CRISPLD2: variants seen among roughly 807,000 people sequenced by gnomAD.
CRISPLD2 encodes cysteine rich secretory protein LCCL domain containing 2.
In CRISPLD2, 47 loss-of-function variants were observed where a neutral mutation model predicts 71.1. That is an observed-to-expected ratio of 0.66 (90% CI 0.52 to 0.84). The LOEUF is 0.84. CRISPLD2 is among the 40% of genes least tolerant of loss of function. The pLI is 0.00. For synonymous variants in CRISPLD2, 317 were observed against 250.1 expected (o/e 1.27, Z -2.52); for missense variants, 830 against 651.1 (o/e 1.27, Z -2.99).
intron 2 of CRISPLD2, among the ~76,000 whole-genome samples, chr16:84,843,834 C>T (rs550495464): frequency 1.3e-5 from 2 of 152,288 alleles, no homozygotes; most frequent in East Asian, 3.9e-4. Context: ...GGTTGTGTGA[C>T]CTCAGGCATG....
chr16:84,862,433 A>G (rs751508414), intron 6 of CRISPLD2, among the ~76,000 whole-genome samples: 3 of 151,992 alleles, frequency 2.0e-5, no homozygotes, highest in African/African-American at 4.8e-5. Flanking sequence ...CTCCCAAGCA[A>G]TCCTCCCTCC....
rs148650496 is a variant in CRISPLD2, at chr16:84,869,944, C to G, written c.914+1033C>G. 1.3e-3 allele frequency among the ~76,000 whole-genome samples: 193 copies of G among 152,304 alleles called. 2 individuals are homozygous for G. The East Asian group carries it at 0.032, about 25-fold the overall frequency. On this transcript the variant is annotated intron_variant, in intron 8 of 14. Transcript: ENST00000262424. ...AGTTCCAGAGTTGGGGTGGGTGGGG[C>G]ACTCCCCATGCAGGGAGAAGGCAAG...
intron 14 of CRISPLD2, among the ~76,000 whole-genome samples, chr16:84,905,344 G>A (rs1252643311): frequency 3.9e-5 from 6 of 152,044 alleles, no homozygotes; most frequent in Admixed American, 2.0e-4. Flanking sequence ...CCATTGAATT[G>A]TACACTTAGA....
Position 84,908,140 on chromosome 16 carries a change from T to C in CRISPLD2, c.*1498T>C, listed in dbSNP as rs2071821381. The C allele has an allele frequency of 6.6e-6, 1 of 152,244 alleles. No homozygotes were observed. Among genetic ancestry groups the C allele is most frequent in the Non-Finnish European group, 1.5e-5 (1 of 68,036 alleles). 9.4% of individuals were successfully genotyped at this position (152,244 alleles called of 1,614,324 possible). A position where few individuals can be genotyped will look rare whatever the true frequency, so the allele number is the denominator to read the frequency against. On this transcript the variant is annotated 3_prime_UTR_variant, in exon 15 of 15. Transcript: ENST00000262424. The stretch of plus-strand genomic sequence containing the variant: ...CCTGGGCACCTAGGTGATGCCTTCT[T>C]TCTTTGATTGCCTTTCTAATAAATG...
intron 1 of CRISPLD2, among the ~76,000 whole-genome samples, chr16:84,834,150 G>A (rs1051153582): frequency 2.0e-5 from 3 of 152,182 alleles, no homozygotes; most frequent in Non-Finnish European, 4.4e-5. Context: ...GAGTGGGAGT[G>A]ATGGAGCCCA....
chr16:84,883,631 G>A (rs1371367064), intron 13 of CRISPLD2, among the ~76,000 whole-genome samples: 7 of 152,172 alleles, frequency 4.6e-5, no homozygotes, highest in African/African-American at 1.4e-4. Flanking sequence ...GGGCTGGGTG[G>A]ATCCAGAGAA....
chr16:84,869,710 C>T (rs767460587), intron 8 of CRISPLD2, among the ~76,000 whole-genome samples: 1 of 152,224 alleles, frequency 6.6e-6, no homozygotes, highest in African/African-American at 2.4e-5. Flanking sequence ...CTGTGCTGGG[C>T]GAATTGGGAA....
chr16:84,849,909 T>C (rs1391631086), intron 4 of CRISPLD2, among the ~76,000 whole-genome samples: 1 of 130,126 alleles, frequency 7.7e-6, no homozygotes, highest in Non-Finnish European at 1.7e-5. Flanking sequence ...TTTTTTTTTT[T>C]AGAGATGGGT....
chr16:84,859,272 C>G (rs1173766772), intron 6 of CRISPLD2, among the ~76,000 whole-genome samples: 2 of 152,144 alleles, frequency 1.3e-5, no homozygotes, highest in Admixed American at 6.6e-5. Context: ...GTAAGCCAGA[C>G]CTGAGCTAAA....
chr16:84,853,972 A>C (rs1030679314), intron 5 of CRISPLD2, among the ~76,000 whole-genome samples: 12 of 152,218 alleles, frequency 7.9e-5, no homozygotes, highest in African/African-American at 2.6e-4. Context: ...CACCACCTCT[A>C]CCTGGCCCCT....
At chr16:84,901,133 G>A (rs537087866) in intron 14 of CRISPLD2, among the ~76,000 whole-genome samples, 1 of 152,142 alleles carries the variant, frequency 6.6e-6, no homozygotes, top group Admixed American at 6.5e-5. Context: ...ATACTATGCA[G>A]TGGATAAAAA....
At chr16:84,906,261 G>A (rs1227081471) in intron 14 of CRISPLD2, among the ~76,000 whole-genome samples, 1 of 152,052 alleles carries the variant, frequency 6.6e-6, no homozygotes, top group African/African-American at 2.4e-5. Context: ...GGGTTGACAG[G>A]TGGTAGTGAA....
At chr16:84,833,725 G>A (rs903707188) in intron 1 of CRISPLD2, among the ~76,000 whole-genome samples, 1 of 152,080 alleles carries the variant, frequency 6.6e-6, no homozygotes, top group African/African-American at 2.4e-5. Flanking sequence ...CGATGGTGGT[G>A]GGGGGGCGTG....
chr16:84,903,199 T>G (rs1307572085), intron 14 of CRISPLD2, among the ~76,000 whole-genome samples: 1 of 152,020 alleles, frequency 6.6e-6, no homozygotes, highest in Non-Finnish European at 1.5e-5. Flanking sequence ...AATGCTCCCC[T>G]CCTCCCACCT....
chr16:84,854,270 A>C (rs1917171020), intron 5 of CRISPLD2, among the ~76,000 whole-genome samples: 1 of 152,202 alleles, frequency 6.6e-6, no homozygotes, highest in Non-Finnish European at 1.5e-5. Flanking sequence ...TGAGGAGTGC[A>C]GTGAAGGCAC....
intron 7 of CRISPLD2, among the ~76,000 whole-genome samples, chr16:84,868,396 G>GCACC (rs1917600368): frequency 2.0e-5 from 3 of 152,190 alleles, no homozygotes; most frequent in African/African-American, 7.2e-5. Context: ...TGGCGATGGG[G>GCACC]GAGATGACTC....
chr16:84,879,698 C>G (rs760976773), intron 12 of CRISPLD2, among the ~76,000 whole-genome samples: 6 of 151,918 alleles, frequency 3.9e-5, no homozygotes, highest in Non-Finnish European at 7.4e-5. Flanking sequence ...CACACCCTTT[C>G]TCTCTACCCA....
chr16:84,882,384 T>C (rs2071576715), intron 13 of CRISPLD2, among the ~76,000 whole-genome samples: 1 of 133,320 alleles, frequency 7.5e-6, no homozygotes, highest in Non-Finnish European at 1.6e-5. Context: ...AAGAACTTAA[T>C]GGATATTTGC....
intron 13 of CRISPLD2, among the ~76,000 whole-genome samples, chr16:84,882,512 C>G (rs144011980): frequency 1.3e-5 from 2 of 152,256 alleles, no homozygotes; most frequent in African/African-American, 4.8e-5. Context: ...TCAAGAGATT[C>G]TCCTGCCTCA....
Sources: allele counts gnomAD v4.1 joint callset (sites outside exome capture counted in the v4.1 genomes callset), GRCh38; gene constraint gnomAD v4.1.1; transcripts MANE v1.5; gene names NCBI Gene and HGNC (gene_info 2026-07-23, HGNC 2026-07-21).